Variants in PRELID2 observed in about 807,000 individuals in gnomAD.
PRELID2 encodes PRELI domain-containing protein 2.
A neutral mutation model predicts 28.4 loss-of-function variants in PRELID2; 25 were observed. That is an observed-to-expected ratio of 0.88 (90% CI 0.64 to 1.23). The LOEUF (loss-of-function observed/expected upper bound fraction) is 1.23. Among genes scored for constraint, PRELID2 ranks in the 50% most tolerant of loss-of-function variants. The pLI is 0.00. For missense variants in PRELID2, 201 were observed against 214.4 expected (o/e 0.94, Z 0.39); for synonymous variants, 76 against 71.6 (o/e 1.06, Z -0.31).
the PRELID2 span, among the ~76,000 whole-genome samples, chr5:145,255,473 A>G: frequency 6.6e-6 from 1 of 152,122 alleles, no homozygotes; most frequent in Admixed American, 6.6e-5. Flanking sequence ...GAACTGGAAT[A>G]CAGTGAAAAG....
At chr5:145,788,700 T>C (rs1049281665) in intron 5 of PRELID2, among the ~76,000 whole-genome samples, 4 of 152,236 alleles carry the variant, frequency 2.6e-5, no homozygotes, top group Admixed American at 6.5e-5. Flanking sequence ...GGCACCCATG[T>C]AGAAAAGAAA....
rs184267126 is a variant in PRELID2, at chr5:145,645,903, T to G, written n.70+119028A>C. Among the ~76,000 whole-genome samples the G allele has an allele frequency of 3.5e-4, 54 of 152,350 alleles. 1 individual carries two copies. The highest frequency in any genetic ancestry group is 3.2e-3 in the Admixed American group (49 of 15,300). ...TAGGGTTTCTGCAGAAAAGATCCGC[T>G]GTTAATCTGACGGGCTTCCCTTTGT... is the stretch of plus-strand genomic sequence containing the variant. On this transcript the variant is annotated intron_variant and non_coding_transcript_variant, in intron 1 of 2. Coordinates refer to the PRELID2 transcript ENST00000510259.
chr5:145,715,694 G>A (rs565762128), intron 1 of PRELID2, among the ~76,000 whole-genome samples: 2 of 152,188 alleles, frequency 1.3e-5, no homozygotes, highest in African/African-American at 4.8e-5. Context: ...CACCACACTG[G>A]CTTCCACCTT....
chr5:145,619,352 C>T (rs578088550), intron 1 of PRELID2, among the ~76,000 whole-genome samples: 39 of 152,326 alleles, frequency 2.6e-4, no homozygotes, highest in African/African-American at 5.1e-4. Context: ...TGTGTGGGGA[C>T]GCAGGAAGCT....
At chr5:145,423,024 G>T in the PRELID2 span, among the ~76,000 whole-genome samples, 54 of 145,750 alleles carry the variant, frequency 3.7e-4, 1 homozygote, top group East Asian at 0.01. Flanking sequence ...TGAAATTCTG[G>T]ATTGAAAATT....
the PRELID2 span, among the ~76,000 whole-genome samples, chr5:145,421,182 G>C: frequency 6.6e-6 from 1 of 151,360 alleles, no homozygotes; most frequent in East Asian, 2.0e-4. Flanking sequence ...AAGGATATTG[G>C]TCTAAAATTC....
At chr5:145,320,672 A>G in the PRELID2 span, among the ~76,000 whole-genome samples, 1 of 152,190 alleles carries the variant, frequency 6.6e-6, no homozygotes, top group Non-Finnish European at 1.5e-5. Context: ...TGGGAACAAT[A>G]TGCCTTTTTT....
intron 1 of PRELID2, among the ~76,000 whole-genome samples, chr5:145,473,640 C>T (rs1044317494): frequency 6.6e-6 from 1 of 152,032 alleles, no homozygotes; most frequent in Non-Finnish European, 1.5e-5. Context: ...AAAGACAGTG[C>T]AGAGTAAAAT....
At chr5:145,731,582 C>T (rs182681460) in intron 1 of PRELID2, among the ~76,000 whole-genome samples, 5 of 152,314 alleles carry the variant, frequency 3.3e-5, no homozygotes, top group Admixed American at 2.6e-4. Flanking sequence ...AGGCTAATTA[C>T]AACATGGCAG....
At chr5:145,608,030 T>C (rs953724918) in intron 1 of PRELID2, among the ~76,000 whole-genome samples, 4 of 147,604 alleles carry the variant, frequency 2.7e-5, no homozygotes, top group Non-Finnish European at 4.4e-5. Context: ...TCGTTGTTGA[T>C]TTAAAGCCCG....
the PRELID2 span, among the ~76,000 whole-genome samples, chr5:145,299,637 G>A: frequency 6.7e-5 from 7 of 103,988 alleles, no homozygotes; most frequent in East Asian, 7.9e-4. Flanking sequence ...ACATATATAT[G>A]TGTGTGCGTG....
chr5:145,746,775 A>G (rs760337526), intron 1 of PRELID2, among the ~76,000 whole-genome samples: 1 of 152,220 alleles, frequency 6.6e-6, no homozygotes, highest in African/African-American at 2.4e-5. Flanking sequence ...TAGATCACAT[A>G]ATTGGAAGTA....
chr5:145,497,694 A>G (rs1752320935), intron 1 of PRELID2, among the ~76,000 whole-genome samples: 2 of 152,174 alleles, frequency 1.3e-5, no homozygotes, highest in African/African-American at 2.4e-5. Context: ...GGAGATTTCC[A>G]TGTTTCCAAT....
intron 1 of PRELID2, among the ~76,000 whole-genome samples, chr5:145,738,850 C>T (rs1299303397): frequency 6.6e-6 from 1 of 152,096 alleles, no homozygotes; most frequent in Non-Finnish European, 1.5e-5. Flanking sequence ...TGTTTCTAAA[C>T]TGGCCAAACC....
chr5:145,500,072 T>C (rs561707312), intron 1 of PRELID2, among the ~76,000 whole-genome samples: 1 of 152,246 alleles, frequency 6.6e-6, no homozygotes, highest in Admixed American at 6.5e-5. Context: ...GTTGGAGAAG[T>C]TGTGTCGCAA....
intron 1 of PRELID2, among the ~76,000 whole-genome samples, chr5:145,621,519 T>A (rs1753773894): frequency 6.6e-6 from 1 of 152,172 alleles, no homozygotes; most frequent in South Asian, 2.1e-4. Context: ...AACTGCTGAA[T>A]AGATAAATTA....
chr5:145,639,012 A>T (rs1754050213), intron 1 of PRELID2, among the ~76,000 whole-genome samples: 5 of 152,218 alleles, frequency 3.3e-5, no homozygotes. Context: ...TGGATTAGGT[A>T]TTTTGGACCT....
intron 1 of PRELID2, among the ~76,000 whole-genome samples, chr5:145,740,263 CAAATAT>C (rs1158968811): frequency 3.3e-5 from 2 of 61,186 alleles, no homozygotes; most frequent in African/African-American, 1.2e-4. Context: ...CAGGATTTAT[CAAATAT>C]ATATATATAT....
At chr5:145,415,812 G>A in the PRELID2 span, among the ~76,000 whole-genome samples, 3 of 151,762 alleles carry the variant, frequency 2.0e-5, no homozygotes, top group African/African-American at 7.3e-5. Context: ...GAGATGGCTG[G>A]GTCAAATCGT....
Sources: allele counts gnomAD v4.1 joint callset (sites outside exome capture counted in the v4.1 genomes callset), GRCh38; gene constraint gnomAD v4.1.1; transcripts MANE v1.5; gene names NCBI Gene and HGNC (gene_info 2026-07-23, HGNC 2026-07-21).